The following RORB variants were observed in gnomAD, a reference collection of about 807,000 sequenced individuals.
RORB encodes nuclear receptor ROR-beta.
A neutral mutation model predicts 59.1 loss-of-function variants in RORB; 6 were observed. The ratio of observed to expected loss-of-function variants is 0.10; its 90% CI spans 0.06 to 0.20. The LOEUF (loss-of-function observed/expected upper bound fraction) is 0.20, where lower values mean the gene tolerates loss of function less well. RORB is among the 10% of genes least tolerant of loss of function. The pLI is 1.00. For missense variants in RORB, 320 were observed against 560.5 expected (o/e 0.57, Z 4.33); for synonymous variants, 215 against 204.5 (o/e 1.05, Z -0.44).
intron 4 of RORB, among the ~76,000 whole-genome samples, chr9:74,652,815 A>C (rs1824016313): frequency 6.6e-6 from 1 of 152,160 alleles, no homozygotes; most frequent in African/African-American, 2.4e-5. Flanking sequence ...GCCAACAAAT[A>C]AGTTATAAAT....
rs1470351328 is a variant in RORB at position 74,665,578 on chromosome 9, A to C, written c.983A>C (p.Gln328Pro). 2 of 1,610,602 alleles carry C rather than the reference A, an allele frequency of 1.2e-6. No homozygotes were observed. The highest frequency in any genetic ancestry group is 1.7e-6 in the Non-Finnish European group (2 of 1,177,266). ...TTTGAAGGAAAATATGGAGGAATGC[A>C]AATGTTCAAAGCCTTAGGTAAGTTT... is the stretch of plus-strand genomic sequence containing the variant. ...VLFEGKYGGM[Q>P]MFKALGSDDL... The change falls in exon 7 of 10, where the codon CAA (glutamine) becomes CCA (proline). Residue 328 changes from glutamine to proline, a missense_variant. This residue lies in a region of RORB where 109 missense variants were observed against 171.0 expected (regional missense o/e 0.64). Transcript: ENST00000376896.
At chr9:74,601,981 C>T (rs6560402) in intron 1 of RORB, among the ~76,000 whole-genome samples, 2,598 of 152,270 alleles carry the variant, frequency 0.017, 62 homozygotes, top group African/African-American at 0.056. Flanking sequence ...GCTTCTCACA[C>T]GGTCAGCAGA....
chr9:74,522,282 A>G (rs1215429350), intron 1 of RORB, among the ~76,000 whole-genome samples: 1 of 151,774 alleles, frequency 6.6e-6, no homozygotes, highest in African/African-American at 2.4e-5. Flanking sequence ...TCCACTGAAC[A>G]TGCTGAAAAT....
At chr9:74,607,846 T>C (rs1437958021) in intron 1 of RORB, among the ~76,000 whole-genome samples, 2 of 152,186 alleles carry the variant, frequency 1.3e-5, no homozygotes, top group Non-Finnish European at 2.9e-5. Flanking sequence ...TCTGATACTA[T>C]ACTGTTAAGA....
intron 1 of RORB, among the ~76,000 whole-genome samples, chr9:74,593,804 G>A (rs1039786035): frequency 1.3e-5 from 2 of 152,090 alleles, no homozygotes; most frequent in Non-Finnish European, 2.9e-5. Context: ...ACAAATAGAA[G>A]ACACAAGAGC....
chr9:74,622,200 T>G (rs1382358687), intron 1 of RORB, among the ~76,000 whole-genome samples: 4 of 152,172 alleles, frequency 2.6e-5, no homozygotes, highest in African/African-American at 9.7e-5. Flanking sequence ...ATCACGAGCT[T>G]CCTGTTGAAG....
chr9:74,671,944 A>C, intron 9 of RORB, 43 bp downstream of exon 9: 1 of 1,130,150 alleles, frequency 8.8e-7, no homozygotes, highest in Non-Finnish European at 1.3e-6. Flanking sequence ...AAAAGAGAGC[A>C]CAGTGAGCAA....
chr9:74,680,016 T>C (rs574943348), intron 9 of RORB, among the ~76,000 whole-genome samples: 1 of 152,118 alleles, frequency 6.6e-6, no homozygotes, highest in Non-Finnish European at 1.5e-5. Flanking sequence ...GGCAGGAGAA[T>C]TGCTTGAACC....
At chr9:74,512,208 G>C (rs1485968959) in intron 1 of RORB, among the ~76,000 whole-genome samples, 1 of 152,098 alleles carries the variant, frequency 6.6e-6, no homozygotes, top group East Asian at 1.9e-4. Context: ...CATTAAACTA[G>C]CTTGTGTCTA....
chr9:74,546,237 G>A (rs1441501251), intron 1 of RORB, among the ~76,000 whole-genome samples: 1 of 152,250 alleles, frequency 6.6e-6, no homozygotes, highest in East Asian at 1.9e-4. Context: ...AGAAATCTGG[G>A]TTTACCACTT....
At chr9:74,653,671 T>A (rs1824032135) in intron 4 of RORB, among the ~76,000 whole-genome samples, 1 of 152,166 alleles carries the variant, frequency 6.6e-6, no homozygotes, top group Non-Finnish European at 1.5e-5. Flanking sequence ...CTCTTGGTAA[T>A]AACACCGAAA....
chr9:74,580,079 T>C (rs1490007171), intron 1 of RORB, among the ~76,000 whole-genome samples: 1 of 152,136 alleles, frequency 6.6e-6, no homozygotes, highest in Non-Finnish European at 1.5e-5. Context: ...TAGGTATGTA[T>C]AGGAAAAAAC....
chr9:74,589,924 G>T (rs956609949), intron 1 of RORB, among the ~76,000 whole-genome samples: 1 of 152,184 alleles, frequency 6.6e-6, no homozygotes, highest in Non-Finnish European at 1.5e-5. Flanking sequence ...TTCTGTGGTG[G>T]ATAAGAACAT....
chr9:74,525,471 C>G (rs965124135), intron 1 of RORB, among the ~76,000 whole-genome samples: 3 of 151,884 alleles, frequency 2.0e-5, no homozygotes, highest in Non-Finnish European at 4.4e-5. Context: ...ATAGAGGAAG[C>G]TAGAGGTTTA....
rs143208833 is a variant in RORB, at chr9:74,577,245, T to G, written c.8-53037T>G. Among the ~76,000 whole-genome samples, 1,222 of 152,240 alleles carry G rather than the reference T, an allele frequency of 8.0e-3. 8 individuals are homozygous for G. Among genetic ancestry groups the G allele is most frequent in the Non-Finnish European group, 0.013 (898 of 68,000 alleles). On this transcript the variant is annotated intron_variant, in intron 1 of 9. Coordinates refer to ENST00000376896, the MANE Select transcript of RORB (RefSeq NM_006914.4). ...GTTCTATGAATTGGACTTAGTTTCT[T>G]CACTAATGTCAAAATCGTTCTGTAA...
At chr9:74,605,567 C>T (rs111254834) in intron 1 of RORB, among the ~76,000 whole-genome samples, 53 of 152,316 alleles carry the variant, frequency 3.5e-4, no homozygotes, top group African/African-American at 1.2e-3. Flanking sequence ...AATACGTAGT[C>T]TGTCTTTGCT....
chr9:74,595,052 C>T (rs1259686156), intron 1 of RORB, among the ~76,000 whole-genome samples: 1 of 152,180 alleles, frequency 6.6e-6, no homozygotes, highest in African/African-American at 2.4e-5. Flanking sequence ...GCCCTGGACA[C>T]AGCCAAAAAC....
At chr9:74,604,345 A>G (rs910628986) in intron 1 of RORB, among the ~76,000 whole-genome samples, 3 of 152,204 alleles carry the variant, frequency 2.0e-5, no homozygotes, top group Admixed American at 6.5e-5. Context: ...AAACATACCT[A>G]AGGCAGCTGT....
intron 4 of RORB, 36 bp from the exon 5 acceptor site, chr9:74,660,581 A>T: frequency 6.3e-7 from 1 of 1,583,846 alleles, no homozygotes; most frequent in Non-Finnish European, 8.6e-7. Context: ...GAGTAATTTT[A>T]TTCACAAACC....
Sources: gnomAD v4.1 joint callset for allele counts (sites outside exome capture counted in the v4.1 genomes callset) on GRCh38, gnomAD v4.1.1 for gene constraint, gnomAD v4.1.1 regional missense constraint, MANE v1.5 for transcripts, NCBI Gene and HGNC (gene_info 2026-07-23, HGNC 2026-07-21) for gene names.